Variants in DACH2 observed in about 807,000 individuals in gnomAD.
DACH2 encodes dachshund family transcription factor 2, also known as dachshund homolog 2.
A neutral mutation model predicts 35.8 loss-of-function variants in DACH2; 17 were observed. That is an observed-to-expected ratio of 0.48 (90% CI 0.33 to 0.71). DACH2 has a LOEUF of 0.71. Ranked by LOEUF, DACH2 falls within the 30% of genes least tolerant of loss-of-function variation. The pLI is 0.02. For synonymous variants in DACH2, 195 were observed against 177.3 expected, an observed-to-expected ratio of 1.10 and a Z score of -0.79; for missense variants, 469 against 472.7, an observed-to-expected ratio of 0.99 and a Z score of 0.07.
chrX:86,542,672 T>C (rs760848108), intron 3 of DACH2, among the ~76,000 whole-genome samples: 1 of 111,875 alleles, frequency 8.9e-6, no homozygotes, highest in Admixed American at 9.5e-5. Flanking sequence ...AGACACAAGG[T>C]ATCAGATTTA....
intron 1 of DACH2, among the ~76,000 whole-genome samples, chrX:86,214,865 A>C (rs1375146072): frequency 9.0e-6 from 1 of 111,714 alleles, no homozygotes; most frequent in Non-Finnish European, 1.9e-5. Flanking sequence ...TGTACAAGAT[A>C]AAGGGAGAAA....
intron 7 of DACH2, among the ~76,000 whole-genome samples, chrX:86,776,635 C>T (rs939697986): frequency 1.2e-4 from 13 of 111,057 alleles, no homozygotes; most frequent in Non-Finnish European, 1.9e-4. Flanking sequence ...ATGCTCACAA[C>T]GTGCAGGTTT....
At chrX:86,468,622 C>A (rs2037712130) in intron 2 of DACH2, among the ~76,000 whole-genome samples, 2 of 111,563 alleles carry the variant, frequency 1.8e-5, no homozygotes, top group African/African-American at 6.5e-5. Flanking sequence ...CAGTAGAATA[C>A]CATTCTATAT....
chrX:86,160,915 G>A (rs775910544), intron 1 of DACH2: 52 of 675,437 alleles, frequency 7.7e-5, no homozygotes, highest in African/African-American at 1.7e-4. Context: ...AGAGGCAGGC[G>A]CAAGGGCTTG....
chrX:86,609,761 G>A lies in DACH2; in HGVS notation c.641-41275G>A, dbSNP rs1290739361. Among the ~76,000 whole-genome samples the A allele has an allele frequency of 3.6e-5, 4 of 111,333 alleles. No homozygotes were observed. In the East Asian group the frequency reaches 1.1e-3, roughly 32 times the overall value. ...GGACAAGATATGGGAGAGTTCTCTG[G>A]ATTACCATACTGAGACTCTTGTTCT... On this transcript the variant is annotated intron_variant, in intron 3 of 11. Transcript: ENST00000373125.
chrX:86,456,798 A>C (rs2148204607), intron 2 of DACH2, among the ~76,000 whole-genome samples: 1 of 110,493 alleles, frequency 9.1e-6, no homozygotes, highest in African/African-American at 3.3e-5. Flanking sequence ...TTTTTGTCTA[A>C]GAAAGTATTT....
At chrX:86,487,957 T>C (rs948333003) in intron 2 of DACH2, among the ~76,000 whole-genome samples, 17 of 111,493 alleles carry the variant, frequency 1.5e-4, no homozygotes, top group Non-Finnish European at 2.3e-4. Flanking sequence ...ATCTAATCTC[T>C]GTGAGCCTTA....
intron 1 of DACH2, among the ~76,000 whole-genome samples, chrX:86,292,519 G>C (rs1226608475): frequency 9.0e-6 from 1 of 111,122 alleles, no homozygotes; most frequent in African/African-American, 3.3e-5. Flanking sequence ...TGTGATGTTA[G>C]GTTGTCAATT....
chrX:86,399,339 TG>T (rs1389027678), intron 2 of DACH2, among the ~76,000 whole-genome samples: 1 of 112,041 alleles, frequency 8.9e-6, no homozygotes, highest in African/African-American at 3.3e-5. Flanking sequence ...TTATCCAGTT[TG>T]CCAGTCTGTG....
At chrX:86,592,826 T>C (rs779726615) in intron 3 of DACH2, among the ~76,000 whole-genome samples, 4 of 112,033 alleles carry the variant, frequency 3.6e-5, no homozygotes, top group Non-Finnish European at 7.5e-5. Context: ...TAATTGTGCA[T>C]TGCTGGTATA....
At chrX:86,398,229 G>T (rs1428017631) in intron 2 of DACH2, among the ~76,000 whole-genome samples, 1 of 112,141 alleles carries the variant, frequency 8.9e-6, no homozygotes, top group African/African-American at 3.2e-5. Flanking sequence ...GGGATCGGTG[G>T]TGATATCCCC....
At chrX:86,598,080 C>A (rs1166732510) in intron 3 of DACH2, among the ~76,000 whole-genome samples, 1 of 110,930 alleles carries the variant, frequency 9.0e-6, no homozygotes, top group East Asian at 2.9e-4. Flanking sequence ...TTCACTATCA[C>A]GAGAACAGCA....
chrX:86,541,341 G>A (rs760324942), intron 3 of DACH2, among the ~76,000 whole-genome samples: 6 of 110,933 alleles, frequency 5.4e-5, no homozygotes, highest in Admixed American at 2.9e-4. Flanking sequence ...GGCTCATTGT[G>A]GTCCATGTCT....
intron 1 of DACH2, among the ~76,000 whole-genome samples, chrX:86,339,139 A>G (rs2035370787): frequency 9.0e-6 from 1 of 111,721 alleles, no homozygotes; most frequent in African/African-American, 3.3e-5. Context: ...CCAGAGGTAC[A>G]AAGAGGAGTT....
At chrX:86,760,421 A>G (rs779902085) in intron 7 of DACH2, among the ~76,000 whole-genome samples, 1 of 110,451 alleles carries the variant, frequency 9.1e-6, no homozygotes, top group African/African-American at 3.3e-5. Flanking sequence ...TTTTTGTTTG[A>G]CTGTGTTATT....
intron 3 of DACH2, among the ~76,000 whole-genome samples, chrX:86,572,779 A>G (rs1256042993): frequency 9.0e-6 from 1 of 111,040 alleles, no homozygotes; most frequent in African/African-American, 3.3e-5. Flanking sequence ...TTTGATTCAG[A>G]TGTTGTGCCT....
At chrX:86,523,823 G>A (rs1289258544) in intron 3 of DACH2, among the ~76,000 whole-genome samples, 1 of 110,986 alleles carries the variant, frequency 9.0e-6, no homozygotes, top group Admixed American at 9.6e-5. Context: ...AGCAATTGGG[G>A]AAGTCACAAA....
intron 2 of DACH2, among the ~76,000 whole-genome samples, chrX:86,401,696 G>A: frequency 1.0e-5 from 1 of 100,456 alleles, no homozygotes; most frequent in South Asian, 5.3e-4. Flanking sequence ...GTGAAAGGTA[G>A]TTAAACAAGT....
intron 1 of DACH2, among the ~76,000 whole-genome samples, chrX:86,163,608 C>T (rs1443297409): frequency 9.0e-6 from 1 of 110,605 alleles, no homozygotes; most frequent in Non-Finnish European, 1.9e-5. Flanking sequence ...TCAAGTATAT[C>T]CCAATGTCTG....
Sources: allele counts gnomAD v4.1 joint callset (sites outside exome capture counted in the v4.1 genomes callset), GRCh38; gene constraint gnomAD v4.1.1; transcripts MANE v1.5; gene names NCBI Gene and HGNC (gene_info 2026-07-23, HGNC 2026-07-21).